ATP13A5: variants seen among roughly 807,000 people sequenced by gnomAD.
The protein encoded by ATP13A5 is ATPase 13A5.
Under a neutral mutation model 150.2 loss-of-function variants are expected in ATP13A5, and 149 were observed. That is an observed-to-expected ratio of 0.99 (90% confidence interval 0.87 to 1.14). The LOEUF is 1.14. ATP13A5 is among the 50% of genes most tolerant of loss of function. The pLI is 0.00. For missense variants in ATP13A5, 1,383 were observed against 1,449.3 expected, an observed-to-expected ratio of 0.95 and a Z score of 0.74; for synonymous variants, 497 against 522.2, an observed-to-expected ratio of 0.95 and a Z score of 0.66.
chr3:193,344,449 T>C (rs999077164), intron 8 of ATP13A5, among the ~76,000 whole-genome samples: 1 of 152,142 alleles, frequency 6.6e-6, no homozygotes, highest in Non-Finnish European at 1.5e-5. Context: ...ACTTCTGCTG[T>C]CCCAGGGTGC....
chr3:193,353,105 G>A (rs1052792537), intron 6 of ATP13A5, among the ~76,000 whole-genome samples: 3 of 152,120 alleles, frequency 2.0e-5, no homozygotes, highest in African/African-American at 7.2e-5. Flanking sequence ...AGGGTGGAAT[G>A]GGAGAGGAGT....
intron 9 of ATP13A5, among the ~76,000 whole-genome samples, chr3:193,336,222 C>G (rs1371621620): frequency 1.3e-5 from 2 of 151,872 alleles, no homozygotes; most frequent in African/African-American, 4.8e-5. Context: ...GTAATAGGTT[C>G]AAAACACATA....
intron 9 of ATP13A5, 138 bp from the exon 10 acceptor site, chr3:193,335,237 AT>A (rs1239981611): frequency 1.4e-6 from 1 of 708,408 alleles, no homozygotes; most frequent in Non-Finnish European, 2.4e-6. Flanking sequence ...ATGACTGTTC[AT>A]AGAGATGCTG....
intron 9 of ATP13A5, 132 bp downstream of exon 9, chr3:193,343,795 T>G (rs1245404036): frequency 1.0e-6 from 1 of 1,000,398 alleles, no homozygotes; most frequent in Non-Finnish European, 1.4e-6. Flanking sequence ...TCCATATAAA[T>G]GCAAAGGCTG....
intron 17 of ATP13A5, among the ~76,000 whole-genome samples, 189 bp downstream of exon 17, chr3:193,318,802 A>T (rs982758142): frequency 2.0e-5 from 3 of 152,188 alleles, no homozygotes; most frequent in African/African-American, 7.2e-5. Context: ...ACCAACCAGC[A>T]TTGTGACTTG....
chr3:193,340,618 G>C (rs1427924240), intron 9 of ATP13A5, among the ~76,000 whole-genome samples: 1 of 152,052 alleles, frequency 6.6e-6, no homozygotes, highest in Non-Finnish European at 1.5e-5. Context: ...AGAGGGAAGG[G>C]GATTGCGGCA....
At chr3:193,343,850 G>A in intron 9 of ATP13A5, 77 bp downstream of exon 9, 1 of 1,513,738 alleles carries the variant, frequency 6.6e-7, no homozygotes, top group Non-Finnish European at 8.9e-7. Flanking sequence ...GCAAGGGTCT[G>A]GTATAAGGTA....
At chr3:193,318,566 A>G (rs1719139581) in intron 17 of ATP13A5, among the ~76,000 whole-genome samples, 1 of 152,146 alleles carries the variant, frequency 6.6e-6, no homozygotes, top group African/African-American at 2.4e-5. Flanking sequence ...ACCACGTCTA[A>G]AGTATTCTCA....
At chr3:193,360,310 C>T (rs1010377777) in intron 5 of ATP13A5, among the ~76,000 whole-genome samples, 1 of 152,178 alleles carries the variant, frequency 6.6e-6, no homozygotes, top group African/African-American at 2.4e-5. Context: ...CTCTCTCTAC[C>T]CAGCTGCTAG....
Position 193,310,720 on chromosome 3 carries a change from A to G in ATP13A5, c.2446-3T>C. The G allele has an allele frequency of 6.3e-7, 1 of 1,597,588 alleles. No individual in the cohort carries two copies. The highest frequency in any genetic ancestry group is 8.5e-7 in the Non-Finnish European group (1 of 1,175,330). ...AAAACTGTTCCATTCACCAGAATCTAAAAAGAAAAAACAACCATTGCAATA... is the reference window on the plus strand; with the variant it reads ...AAAACTGTTCCATTCACCAGAATCTGAAAAGAAAAAACAACCATTGCAATA... On this transcript the variant is annotated splice_region_variant and splice_polypyrimidine_tract_variant and intron_variant, in intron 20 of 29. Coordinates refer to ENST00000342358, the MANE Select transcript of ATP13A5 (RefSeq NM_198505.4).
chr3:193,276,916 G>T, intron 28 of ATP13A5, 86 bp from the exon 29 acceptor site: 2 of 1,011,036 alleles, frequency 2.0e-6, no homozygotes, highest in Non-Finnish European at 2.9e-6. Flanking sequence ...TTATAGATTT[G>T]TAATAACTCT....
chr3:193,371,669 C>T (rs927876702), intron 1 of ATP13A5, among the ~76,000 whole-genome samples: 5 of 152,168 alleles, frequency 3.3e-5, no homozygotes, highest in African/African-American at 1.2e-4. Context: ...GCAACCACTC[C>T]TTACCACAGG....
intron 25 of ATP13A5, among the ~76,000 whole-genome samples, chr3:193,292,104 G>A (rs1032489220): frequency 6.6e-6 from 1 of 151,990 alleles, no homozygotes; most frequent in Non-Finnish European, 1.5e-5. Flanking sequence ...TGTAAAGTTT[G>A]GCCTAATTCT....
intron 9 of ATP13A5, among the ~76,000 whole-genome samples, chr3:193,337,836 T>C (rs1280959579): frequency 6.6e-6 from 1 of 152,256 alleles, no homozygotes; most frequent in East Asian, 1.9e-4. Flanking sequence ...ATGGCCATTT[T>C]CACAATGTGG....
chr3:193,335,092 A>C lies in ATP13A5; in HGVS notation c.951T>G (p.Ser317Arg). The change falls in exon 10 of 30, where the codon AGT becomes AGG. Residue 317 changes from serine (S) to arginine (R), a missense_variant. Physicochemically the swap from Ser to Arg is moderately radical, Grantham distance 110 (BLOSUM62 -1). This residue lies in a region of ATP13A5 where 787 missense variants were observed against 771.9 expected (regional missense o/e 1.02). Transcript: ENST00000342358. ...VVNEGMLTGE[S>R]IPVTKTPLPQ... Reference sequence around the variant, plus strand: ...GCAATGGTGTCTTTGTAACAGGTATACTTTCTCCTAAAGAGGATTGTATTT... The same window carrying C: ...GCAATGGTGTCTTTGTAACAGGTATCCTTTCTCCTAAAGAGGATTGTATTT... 2.5e-6 allele frequency: 4 copies of C among 1,613,622 alleles called. No homozygotes were observed. Among genetic ancestry groups the C allele is most frequent in the Non-Finnish European group, 3.4e-6 (4 of 1,179,592 alleles).
chr3:193,275,269 A>C lies in ATP13A5; in HGVS notation c.3430T>G (p.Leu1144Val). Residue 1144 changes from leucine (L) to valine (V), a missense_variant, in exon 30 of 30, where the codon TTG becomes GTG. Transcript: ENST00000342358. ...SILQNHELWLLIKREFGFYSK... is the reference protein window; with the variant it reads ...SILQNHELWLVIKREFGFYSK... ...TAGAATCCAAATTCTCTTTTGATCA[A>C]CAGCCAGAGTTCATGATTTTGAAGG... 6.2e-7 allele frequency: 1 copy of C among 1,613,918 alleles called. No individual in the cohort carries two copies. Among genetic ancestry groups the C allele is most frequent in the Non-Finnish European group, 8.5e-7 (1 of 1,180,024 alleles).
intron 1 of ATP13A5, among the ~76,000 whole-genome samples, chr3:193,374,314 AGG>A (rs1353438535): frequency 3.4e-5 from 5 of 145,952 alleles, no homozygotes; most frequent in Admixed American, 3.4e-4. Flanking sequence ...AGAGAGAGAG[AGG>A]AAAGATTCCA....
At chr3:193,363,432 G>C in intron 2 of ATP13A5, 50 bp from the exon 3 acceptor site, 1 of 1,553,996 alleles carries the variant, frequency 6.4e-7, no homozygotes, top group Non-Finnish European at 8.8e-7. Context: ...ATTCAGTAAG[G>C]TGCTCAATCA....
chr3:193,307,238 G>A lies in ATP13A5; in HGVS notation c.2568+89C>T, dbSNP rs1718650737. 9.4e-6 allele frequency: 15 copies of A among 1,601,868 alleles called. No homozygotes were observed. In the South Asian group the frequency reaches 1.6e-4, roughly 17 times the overall value. Reference sequence around the variant, plus strand: ...AATAATCAAATGGTTGCTGGTGGAAGGATGAAGAGACAAACCCCAGGAGAG... The same window carrying A: ...AATAATCAAATGGTTGCTGGTGGAAAGATGAAGAGACAAACCCCAGGAGAG... On this transcript the variant is annotated intron_variant, in intron 22 of 29. Coordinates refer to ENST00000342358, the MANE Select transcript of ATP13A5 (RefSeq NM_198505.4).
Sources: gnomAD v4.1 joint callset for allele counts (sites outside exome capture counted in the v4.1 genomes callset) on GRCh38, gnomAD v4.1.1 for gene constraint, gnomAD v4.1.1 regional missense constraint, MANE v1.5 for transcripts, NCBI Gene and HGNC (gene_info 2026-07-23, HGNC 2026-07-21) for gene names.